TMEM230: variants seen among roughly 807,000 people sequenced by gnomAD.
TMEM230 encodes the protein UPF0414 transmembrane protein C20orf30.
In TMEM230, 10 loss-of-function variants were observed where a neutral mutation model predicts 15.8. The ratio of observed to expected loss-of-function variants is 0.63; its 90% confidence interval spans 0.39 to 1.07. The LOEUF is 1.07. Among genes scored for constraint, TMEM230 ranks in the 50% least tolerant of loss-of-function variants. The pLI is 0.01. For missense variants in TMEM230, 165 were observed against 193.3 expected (o/e 0.85, Z 0.87); for synonymous variants, 67 against 76.9 (o/e 0.87, Z 0.68).
At chr20:5,111,471 TG>T in intron 2 of TMEM230, 1 of 190,004 alleles carries the variant, frequency 5.3e-6, no homozygotes, top group Non-Finnish European at 1.2e-5. Context: ...TAGCCGGGCA[TG>T]GTGGTGGGTG....
At chr20:5,081,194 T>A (rs2089163596) in intron 3 of TMEM230, among the ~76,000 whole-genome samples, 1 of 152,202 alleles carries the variant, frequency 6.6e-6, no homozygotes, top group African/African-American at 2.4e-5. Flanking sequence ...GAGAAGCATG[T>A]GGGTTTGAAT....
rs191609963 is a variant in TMEM230 at position 5,090,448 on chromosome 20, C to T, written c.222+15740G>A. ...CAGAAGGCACTACAGTCACTTCCTC[C>T]CCTCAGAGGGACAATGGGCAGGAAG... On this transcript the variant is annotated intron_variant, in intron 3 of 3. Transcript: ENST00000612323. Among the ~76,000 whole-genome samples the T allele has an allele frequency of 2.6e-5, 4 of 152,298 alleles. No homozygotes were observed. The East Asian group carries it at 7.7e-4, about 29-fold the overall frequency.
downstream of TMEM230, among the ~76,000 whole-genome samples, chr20:5,097,011 G>T (rs1473282612): frequency 6.6e-6 from 1 of 152,162 alleles, no homozygotes; most frequent in African/African-American, 2.4e-5. Flanking sequence ...GTTGGCTGGA[G>T]CCTCTCTGCA....
At chr20:5,069,415 T>G in intron 3 of TMEM230, 1 of 1,459,692 alleles carries the variant, frequency 6.9e-7, no homozygotes, top group South Asian at 1.4e-5. Context: ...CAAAAAATCC[T>G]AATTGTCAAG....
chr20:5,082,990 C>T (rs760845125), intron 3 of TMEM230, among the ~76,000 whole-genome samples: 28 of 149,958 alleles, frequency 1.9e-4, no homozygotes, highest in Non-Finnish European at 2.5e-4. Context: ...TGCAATGGCG[C>T]GATCTCGGCT....
chr20:5,086,220 T>A (rs1268627918), intron 3 of TMEM230, among the ~76,000 whole-genome samples: 4 of 129,438 alleles, frequency 3.1e-5, no homozygotes, highest in Non-Finnish European at 6.4e-5. Flanking sequence ...TAGTGAGACC[T>A]CATTTCTATT....
chr20:5,079,664 T>A (rs902783762), intron 3 of TMEM230, among the ~76,000 whole-genome samples: 8 of 152,186 alleles, frequency 5.3e-5, no homozygotes, highest in Admixed American at 3.9e-4. Flanking sequence ...TGAAATAATC[T>A]TTCCATCTCC....
intron 2 of TMEM230, among the ~76,000 whole-genome samples, 170 bp from the exon 2 acceptor site, chr20:5,109,615 T>C (rs757391029): frequency 2.6e-5 from 4 of 152,196 alleles, no homozygotes; most frequent in African/African-American, 7.2e-5. Flanking sequence ...GTCAGAGGCA[T>C]ATGCATATGG....
chr20:5,107,221 G>A (rs1233540629), intron 3 of TMEM230, among the ~76,000 whole-genome samples: 1 of 152,192 alleles, frequency 6.6e-6, no homozygotes, highest in African/African-American at 2.4e-5. Context: ...AGGATGGCTT[G>A]AGCCCAGGAG....
chr20:5,083,113 A>G (rs1371501538), intron 3 of TMEM230, among the ~76,000 whole-genome samples: 1 of 151,628 alleles, frequency 6.6e-6, no homozygotes, highest in Non-Finnish European at 1.5e-5. Flanking sequence ...TTTTTAGTAG[A>G]GATGGGGTTT....
At chr20:5,063,763 A>C (rs1454319542), downstream of TMEM230, among the ~76,000 whole-genome samples, 1 of 151,696 alleles carries the variant, frequency 6.6e-6, no homozygotes, top group African/African-American at 2.4e-5. Context: ...CCATGATGAA[A>C]TAGAATTTAT....
chr20:5,102,402 A>G (rs537651857), intron 4 of TMEM230, among the ~76,000 whole-genome samples: 12 of 152,246 alleles, frequency 7.9e-5, no homozygotes, highest in African/African-American at 2.9e-4. Flanking sequence ...TTAAAGAATT[A>G]ATACTTGGCT....
chr20:5,084,250 G>A (rs1055591920), intron 3 of TMEM230, among the ~76,000 whole-genome samples: 4 of 149,548 alleles, frequency 2.7e-5, no homozygotes, highest in Non-Finnish European at 5.9e-5. Flanking sequence ...TTGAGACGGA[G>A]TCTTGCTCTC....
downstream of TMEM230, among the ~76,000 whole-genome samples, chr20:5,067,762 C>CTTT (rs3056049): frequency 1.2e-3 from 161 of 135,758 alleles, 7 homozygotes; most frequent in East Asian, 2.1e-3. Context: ...CCCCCCTCTG[C>CTTT]TTTTTTTTTT....
At position 5,111,540 on chromosome 20, in the gene TMEM230, T is replaced by TGGA. The variant is rs975989717; in HGVS notation, c.131_133dup (p.Leu44dup). ...AGAAGAATCGCTTGAAGCCAGGAGGTGGAGATTGCAGTGAGCTGAGATCAC... is the reference window on the plus strand; with the variant it reads ...AGAAGAATCGCTTGAAGCCAGGAGGTGGAGGAGATTGCAGTGAGCTGAGATCAC... On this transcript the variant is annotated inframe_insertion, in exon 2 of 5. Transcript: ENST00000342308. 22 of 176,986 alleles carry TGGA rather than the reference T, an allele frequency of 1.2e-4. No individual in the cohort carries two copies. The highest frequency in any genetic ancestry group is 5.8e-4 in the African/African-American group (20 of 34,430). 11.0% of individuals were successfully genotyped at this position (176,986 alleles called of 1,614,324 possible).
chr20:5,073,596 C>T (rs919568384), intron 3 of TMEM230, among the ~76,000 whole-genome samples: 3 of 152,190 alleles, frequency 2.0e-5, no homozygotes, highest in Non-Finnish European at 2.9e-5. Flanking sequence ...CCAGCTCAGA[C>T]GCCAGAGATA....
rs1490836181 is a variant in TMEM230, at chr20:5,113,048, C to A, written c.-20G>T. The stretch of plus-strand genomic sequence containing the variant: ...TTGCATGGCATGGCCCGCTTAAGTG[C>A]CACTCAGCCGGCCCCAGGCGGGATC... On this transcript the variant is annotated 5_prime_UTR_variant, in exon 1 of 5. Coordinates refer to ENST00000342308, the MANE Select transcript of TMEM230 (RefSeq NM_001009923.2). The A allele has an allele frequency of 1.3e-6, 2 of 1,543,870 alleles. No homozygotes were observed. The highest frequency in any genetic ancestry group is 1.7e-6 in the Non-Finnish European group (2 of 1,146,362).
At chr20:5,080,799 C>T (rs2089156084) in intron 3 of TMEM230, among the ~76,000 whole-genome samples, 1 of 152,150 alleles carries the variant, frequency 6.6e-6, no homozygotes, top group Non-Finnish European at 1.5e-5. Context: ...ACCTTGGCCT[C>T]CCAAAGCTGG....
chr20:5,091,764 A>G (rs1231399789), intron 3 of TMEM230, among the ~76,000 whole-genome samples: 2 of 152,130 alleles, frequency 1.3e-5, no homozygotes, highest in African/African-American at 4.8e-5. Flanking sequence ...GATGCCCCCA[A>G]AATAATTCAT....
Sources: gnomAD v4.1 joint callset for allele counts (sites outside exome capture counted in the v4.1 genomes callset) on GRCh38, gnomAD v4.1.1 for gene constraint, MANE v1.5 for transcripts, NCBI Gene and HGNC (gene_info 2026-07-23, HGNC 2026-07-21) for gene names.